The following CD99 variants were observed in gnomAD, a reference collection of about 807,000 sequenced individuals.
CD99 encodes the protein CD99 antigen.
In CD99, 19 loss-of-function variants were observed where a neutral mutation model predicts 28.4. That is an observed-to-expected ratio of 0.67 (90% CI 0.47 to 0.98). The LOEUF (loss-of-function observed/expected upper bound fraction) is 0.98. Among genes scored for constraint, CD99 ranks in the 50% least tolerant of loss-of-function variants. CD99 has a pLI of 0.00. For missense variants in CD99, 283 were observed against 248.8 expected (o/e 1.14, Z -0.92); for synonymous variants, 103 against 92.1 (o/e 1.12, Z -0.67).
At chrX:2,694,189 C>T (rs1195279336) in intron 1 of CD99, among the ~76,000 whole-genome samples, 2 of 152,108 alleles carry the variant, frequency 1.3e-5, no homozygotes, top group Non-Finnish European at 2.9e-5. Context: ...GTTTGAAAAA[C>T]TCCAAACATC....
chrX:2,698,611 C>G (rs2047687906), intron 1 of CD99, among the ~76,000 whole-genome samples: 1 of 151,978 alleles, frequency 6.6e-6, no homozygotes, highest in Non-Finnish European at 1.5e-5. Context: ...GGACTATGGG[C>G]ACATGCCACC....
At chrX:2,720,035 T>C (rs2048919512) in intron 4 of CD99, among the ~76,000 whole-genome samples, 1 of 152,200 alleles carries the variant, frequency 6.6e-6, no homozygotes, top group Non-Finnish European at 1.5e-5. Context: ...GGAACCATAC[T>C]GGTTTACTGC....
At chrX:2,734,749 C>T (rs566248656) in intron 8 of CD99, among the ~76,000 whole-genome samples, 3 of 136,636 alleles carry the variant, frequency 2.2e-5, no homozygotes, top group African/African-American at 8.1e-5. Flanking sequence ...CATTCTTTTC[C>T]TCTTATTTCT....
chrX:2,722,708 C>T (rs1377338863), intron 6 of CD99, 34 bp downstream of exon 6: 3 of 1,608,056 alleles, frequency 1.9e-6, no homozygotes, highest in Non-Finnish European at 2.6e-6. Context: ...TCTTTTCTCT[C>T]TCCATCCCAT....
intron 8 of CD99, chrX:2,737,844 A>T: frequency 2.4e-6 from 1 of 422,868 alleles, no homozygotes; most frequent in Non-Finnish European, 4.4e-6. Context: ...TAAGAATCTT[A>T]TTTTCACAGA....
intron 3 of CD99, chrX:2,717,899 C>T (rs1441254314): frequency 6.0e-6 from 3 of 501,306 alleles, no homozygotes; most frequent in East Asian, 3.4e-5. Context: ...TGCTTTTATT[C>T]TAAGGGTCTG....
intron 7 of CD99, among the ~76,000 whole-genome samples, chrX:2,724,917 C>T (rs1311762432): frequency 1.4e-5 from 2 of 146,688 alleles, no homozygotes; most frequent in African/African-American, 2.6e-5. Context: ...AAAAAACTAG[C>T]CAGGGGTGGT....
chrX:2,732,831 T>G (rs997278026), intron 8 of CD99, among the ~76,000 whole-genome samples: 1 of 134,668 alleles, frequency 7.4e-6, no homozygotes, highest in African/African-American at 3.7e-5. Flanking sequence ...ATTCTTTGTC[T>G]CTCTTCATCC....
chrX:2,701,616 G>C (rs748254067), intron 1 of CD99, among the ~76,000 whole-genome samples: 48 of 152,330 alleles, frequency 3.2e-4, no homozygotes, highest in African/African-American at 9.9e-4. Context: ...CAAGCAGTAA[G>C]AGTGATGATG....
intron 1 of CD99, among the ~76,000 whole-genome samples, chrX:2,697,468 A>G (rs887590492): frequency 2.6e-5 from 4 of 152,102 alleles, no homozygotes; most frequent in East Asian, 1.9e-4. Flanking sequence ...CATCAGCGAC[A>G]CCTGAGTTTG....
chrX:2,704,054 A>G (rs1332083005), intron 1 of CD99, among the ~76,000 whole-genome samples: 4 of 152,140 alleles, frequency 2.6e-5, no homozygotes, highest in African/African-American at 4.8e-5. Context: ...GCCTCACCCC[A>G]GACCACAGAA....
intron 1 of CD99, chrX:2,692,152 A>G (rs1310702696): frequency 3.6e-6 from 2 of 550,528 alleles, no homozygotes; most frequent in Non-Finnish European, 6.4e-6. Context: ...GCCTATTTCT[A>G]ATTATTACTT....
At chrX:2,707,560 T>C (rs970135298) in intron 1 of CD99, among the ~76,000 whole-genome samples, 21 of 152,228 alleles carry the variant, frequency 1.4e-4, no homozygotes, top group African/African-American at 4.8e-4. Context: ...CAGTAGAAAG[T>C]GTCTTGTCAG....
chrX:2,736,148 G>A (rs1406711235), intron 8 of CD99, among the ~76,000 whole-genome samples: 2 of 150,638 alleles, frequency 1.3e-5, no homozygotes, highest in Non-Finnish European at 2.9e-5. Flanking sequence ...GTTGCAGTGA[G>A]CCGAGATCGC....
chrX:2,734,541 A>G (rs1185731925), intron 8 of CD99, among the ~76,000 whole-genome samples: 3 of 151,728 alleles, frequency 2.0e-5, no homozygotes, highest in Non-Finnish European at 4.4e-5. Flanking sequence ...TTCTGACTTC[A>G]GGTGATCTGC....
intron 8 of CD99, chrX:2,727,376 A>G (rs767044705): frequency 9.0e-6 from 7 of 775,900 alleles, no homozygotes; most frequent in Non-Finnish European, 1.4e-5. Flanking sequence ...AACACAGCTA[A>G]CGTGCATGCA....
chrX:2,717,735 A>G (rs2048800224), intron 3 of CD99, 83 bp downstream of exon 3: 27 of 1,205,766 alleles, frequency 2.2e-5, no homozygotes, highest in Non-Finnish European at 3.2e-5. Flanking sequence ...GGCAACTAGA[A>G]AGAAGACAGA....
intron 1 of CD99, among the ~76,000 whole-genome samples, chrX:2,710,442 A>G (rs311062): frequency 0.015 from 2,268 of 151,866 alleles, 65 homozygotes; most frequent in African/African-American, 0.053. Context: ...TCTTCTGTTT[A>G]TGAGGGTGAA....
At chrX:2,695,169 G>C (rs991663139) in intron 1 of CD99, among the ~76,000 whole-genome samples, 22 of 152,068 alleles carry the variant, frequency 1.4e-4, no homozygotes, top group African/African-American at 5.1e-4. Flanking sequence ...GACACAGTAA[G>C]AAATAAGACC....
Sources: allele counts gnomAD v4.1 joint callset (sites outside exome capture counted in the v4.1 genomes callset), GRCh38; gene constraint gnomAD v4.1.1; transcripts MANE v1.5; gene names NCBI Gene and HGNC (gene_info 2026-07-23, HGNC 2026-07-21).